The following SV2C variants were observed in gnomAD, a reference collection of about 807,000 sequenced individuals.
SV2C encodes the protein solute carrier family 22 member B3.
In SV2C, 49 loss-of-function variants were observed where a neutral mutation model predicts 79.7. The ratio of observed to expected loss-of-function variants is 0.61; its 90% CI spans 0.49 to 0.78. The LOEUF is 0.78. Among genes scored for constraint, SV2C ranks in the 30% least tolerant of loss-of-function variants. The pLI is 0.00. For missense variants in SV2C, 833 were observed against 912.9 expected, an observed-to-expected ratio of 0.91 and a Z score of 1.13; for synonymous variants, 334 against 333.2, an observed-to-expected ratio of 1.00 and a Z score of -0.03.
At chr5:75,989,686 C>T in the SV2C span, among the ~76,000 whole-genome samples, 4 of 151,776 alleles carry the variant, frequency 2.6e-5, no homozygotes, top group Non-Finnish European at 4.4e-5. Flanking sequence ...ATTTCTGCCT[C>T]TAGGTCTTTG....
chr5:76,310,152 G>A (rs1194465921), intron 12 of SV2C, among the ~76,000 whole-genome samples: 1 of 152,174 alleles, frequency 6.6e-6, no homozygotes, highest in African/African-American at 2.4e-5. Context: ...TGCCTTGATA[G>A]AGCTTATATT....
At chr5:76,157,575 A>C (rs1742769899) in intron 2 of SV2C, among the ~76,000 whole-genome samples, 1 of 151,928 alleles carries the variant, frequency 6.6e-6, no homozygotes. Context: ...ACATATATAC[A>C]CACATACATA....
chr5:76,005,127 G>A, the SV2C span, among the ~76,000 whole-genome samples: 119,045 of 152,138 alleles, frequency 0.78, 46,715 homozygotes, highest in Middle Eastern at 0.89. Context: ...GTTTCTCTGA[G>A]GTGACTTGTA....
chr5:76,078,844 G>A, upstream of SV2C: 1 of 583,786 alleles, frequency 1.7e-6, no homozygotes, highest in Non-Finnish European at 3.4e-6. Context: ...CAGCATCTTT[G>A]CCAATTTGAG....
chr5:75,911,128 G>A, the SV2C span: 1 of 1,557,452 alleles, frequency 6.4e-7, no homozygotes, highest in Non-Finnish European at 8.8e-7. Flanking sequence ...CTTAGAAGAT[G>A]AGGAAATAGA....
At chr5:75,935,839 T>G in the SV2C span, among the ~76,000 whole-genome samples, 298 of 152,314 alleles carry the variant, frequency 2.0e-3, 4 homozygotes, top group Non-Finnish European at 6.3e-4. Context: ...AGCTACAGGT[T>G]TTCTATTCAT....
chr5:76,205,092 T>C (rs1044160104), intron 3 of SV2C, among the ~76,000 whole-genome samples: 1 of 152,172 alleles, frequency 6.6e-6, no homozygotes, highest in African/African-American at 2.4e-5. Context: ...ATATATTTCA[T>C]GATATTTACC....
At chr5:75,864,356 T>TC in the SV2C span, among the ~76,000 whole-genome samples, 1 of 140,414 alleles carries the variant, frequency 7.1e-6, no homozygotes, top group Admixed American at 7.3e-5. Flanking sequence ...ATCCATCCAT[T>TC]CATTTAATTA....
At chr5:76,230,053 G>A (rs1043091557) in intron 4 of SV2C, among the ~76,000 whole-genome samples, 15 of 152,184 alleles carry the variant, frequency 9.9e-5, no homozygotes, top group African/African-American at 3.1e-4. Context: ...CCATCACTAC[G>A]GGAATGGGTA....
At chr5:76,138,203 C>T (rs1355264213) in intron 2 of SV2C, among the ~76,000 whole-genome samples, 1 of 152,212 alleles carries the variant, frequency 6.6e-6, no homozygotes, top group Non-Finnish European at 1.5e-5. Context: ...ACCTAGAGAG[C>T]TCGGTTGGCT....
At chr5:76,322,964 A>G (rs1014888995) in intron 12 of SV2C, among the ~76,000 whole-genome samples, 1 of 152,244 alleles carries the variant, frequency 6.6e-6, no homozygotes, top group Non-Finnish European at 1.5e-5. Flanking sequence ...ACCACTCAGG[A>G]CATAGGCATG....
intron 4 of SV2C, among the ~76,000 whole-genome samples, chr5:76,258,913 C>A (rs773808231): frequency 6.6e-6 from 1 of 152,146 alleles, no homozygotes; most frequent in Non-Finnish European, 1.5e-5. Flanking sequence ...AATATGGAGC[C>A]TTCTGGCTTC....
the SV2C span, among the ~76,000 whole-genome samples, chr5:75,962,410 A>G: frequency 3.3e-5 from 5 of 152,148 alleles, no homozygotes; most frequent in African/African-American, 1.2e-4. Context: ...ATTTGGTTGC[A>G]GTTCAAACTG....
intron 1 of SV2C, among the ~76,000 whole-genome samples, chr5:76,114,290 A>T (rs1419610111): frequency 6.6e-6 from 1 of 152,184 alleles, no homozygotes; most frequent in Non-Finnish European, 1.5e-5. Context: ...GGATTTTATC[A>T]TGGTGTTCAG....
chr5:76,212,469 CTT>C (rs1179867118), intron 4 of SV2C, among the ~76,000 whole-genome samples: 3 of 143,864 alleles, frequency 2.1e-5, no homozygotes, highest in Admixed American at 7.0e-5. Flanking sequence ...CTCTCTTTTT[CTT>C]TTTTTTTTTT....
At chr5:76,189,827 T>C (rs1744039881) in intron 2 of SV2C, among the ~76,000 whole-genome samples, 2 of 152,216 alleles carry the variant, frequency 1.3e-5, no homozygotes, top group Admixed American at 6.5e-5. Context: ...TCTTTTTTTT[T>C]GTATTGCTCA....
the SV2C span, among the ~76,000 whole-genome samples, chr5:75,945,280 T>A: frequency 2.0e-5 from 3 of 152,076 alleles, no homozygotes; most frequent in South Asian, 6.2e-4. Context: ...TATAGAAAGT[T>A]TCATGGAATT....
the SV2C span, among the ~76,000 whole-genome samples, chr5:76,027,244 T>C: frequency 1.4e-3 from 217 of 152,008 alleles, no homozygotes; most frequent in African/African-American, 4.8e-3. Context: ...GTATTTCTAG[T>C]AGAGATAGGG....
chr5:76,240,187 G>T (rs1745740693), intron 4 of SV2C, among the ~76,000 whole-genome samples: 1 of 152,190 alleles, frequency 6.6e-6, no homozygotes, highest in Non-Finnish European at 1.5e-5. Context: ...GTGTGAGGGA[G>T]AACATAGTGT....
Sources: gnomAD v4.1 joint callset for allele counts (sites outside exome capture counted in the v4.1 genomes callset) on GRCh38, gnomAD v4.1.1 for gene constraint, MANE v1.5 for transcripts, NCBI Gene and HGNC (gene_info 2026-07-23, HGNC 2026-07-21) for gene names.